Variants in SDK1 observed in about 807,000 individuals in gnomAD.
SDK1 encodes protein sidekick-1.
In SDK1, 157 loss-of-function variants were observed where a neutral mutation model predicts 245.5. That is an observed-to-expected ratio of 0.64 (90% CI 0.56 to 0.73). SDK1 has a LOEUF of 0.73. Among genes scored for constraint, SDK1 ranks in the 30% least tolerant of loss-of-function variants. The probability of loss-of-function intolerance (pLI) is 0.00; values close to 1 mark genes in which losing one functional copy is unlikely to be tolerated. For synonymous variants in SDK1, 1,647 were observed against 1,278.5 expected (o/e 1.29, Z -6.15); for missense variants, 3,583 against 3,002.3 (o/e 1.19, Z -4.52).
At chr7:3,524,797 G>C (rs1299515072) in intron 1 of SDK1, among the ~76,000 whole-genome samples, 1 of 152,168 alleles carries the variant, frequency 6.6e-6, no homozygotes, top group Non-Finnish European at 1.5e-5. Flanking sequence ...ATACTCTGTA[G>C]AGGTCCAGAT....
intron 40 of SDK1, among the ~76,000 whole-genome samples, chr7:4,232,663 T>C (rs1785870639): frequency 6.6e-6 from 1 of 151,642 alleles, no homozygotes; most frequent in Admixed American, 6.6e-5. Flanking sequence ...TATGTTTCCC[T>C]GTGTTGCCCA....
chr7:3,829,429 C>T (rs372063452), intron 5 of SDK1, among the ~76,000 whole-genome samples: 19 of 152,100 alleles, frequency 1.2e-4, no homozygotes, highest in Non-Finnish European at 8.8e-5. Context: ...TTAGATTCCA[C>T]GACAGCCCTG....
intron 22 of SDK1, among the ~76,000 whole-genome samples, chr7:4,088,611 A>G (rs141235566): frequency 1.1e-3 from 170 of 151,688 alleles, no homozygotes; most frequent in African/African-American, 4.0e-3. Context: ...TTTCTCATCT[A>G]TTGAGCTGCT....
intron 1 of SDK1, among the ~76,000 whole-genome samples, chr7:3,562,418 T>G (rs1267348544): frequency 6.6e-6 from 1 of 152,216 alleles, no homozygotes; most frequent in African/African-American, 2.4e-5. Context: ...CATATACTAC[T>G]GAGTTCTGAA....
intron 22 of SDK1, among the ~76,000 whole-genome samples, chr7:4,083,684 C>CTTT (rs138463022): frequency 6.1e-3 from 5 of 826 alleles, no homozygotes; most frequent in Non-Finnish European, 8.2e-3. Flanking sequence ...TCTCTCCCTT[C>CTTT]ACTTCTTCCC....
intron 4 of SDK1, among the ~76,000 whole-genome samples, chr7:3,687,407 G>A (rs1454402847): frequency 2.6e-5 from 4 of 152,124 alleles, no homozygotes; most frequent in Non-Finnish European, 5.9e-5. Context: ...GATTACAGGC[G>A]TGAGCCACCC....
intron 1 of SDK1, among the ~76,000 whole-genome samples, chr7:3,560,745 C>G (rs560743622): frequency 6.6e-6 from 1 of 152,284 alleles, no homozygotes; most frequent in East Asian, 1.9e-4. Flanking sequence ...GCAGAGCCCT[C>G]TCTGTATCCT....
At chr7:3,488,687 T>G (rs1459534166) in intron 1 of SDK1, among the ~76,000 whole-genome samples, 1 of 152,192 alleles carries the variant, frequency 6.6e-6, no homozygotes, top group Non-Finnish European at 1.5e-5. Context: ...ACATTTATTA[T>G]CTACATAAGA....
intron 1 of SDK1, among the ~76,000 whole-genome samples, chr7:3,559,641 G>A (rs971419192): frequency 5.9e-5 from 9 of 151,604 alleles, no homozygotes; most frequent in Admixed American, 3.3e-4. Context: ...TTTAACAGTA[G>A]TGTTGACACA....
Position 3,940,361 on chromosome 7 carries a change from C to T in SDK1, c.848-10562C>T, listed in dbSNP as rs538722552. 3.9e-5 allele frequency among the ~76,000 whole-genome samples: 6 copies of T among 152,362 alleles called. No individual in the cohort carries two copies. In the East Asian group the frequency reaches 1.2e-3, roughly 29 times the overall value. On this transcript the variant is annotated intron_variant, in intron 5 of 44. Transcript: ENST00000404826. ...GTATAGCTCTGCATTCCTTAGCCAC[C>T]GTCCTGCAAGGCAAACGCGAAAACG...
chr7:3,374,096 C>A lies in SDK1; in HGVS notation c.298+72212C>A, dbSNP rs531856733. On this transcript the variant is annotated intron_variant, in intron 1 of 44. Transcript: ENST00000404826. ...TTTTTCTTTTTTTTAACTTGACACT[C>A]TGATATCCACGGTAATTGGAGCAAT... Among the ~76,000 whole-genome samples, 3 of 152,196 alleles carry A rather than the reference C, an allele frequency of 2.0e-5. No homozygotes were observed. The South Asian group carries it at 6.2e-4, about 32-fold the overall frequency.
At chr7:3,399,548 G>C (rs1778824590) in intron 1 of SDK1, among the ~76,000 whole-genome samples, 1 of 152,042 alleles carries the variant, frequency 6.6e-6, no homozygotes, top group Non-Finnish European at 1.5e-5. Context: ...GTAAACTTTG[G>C]AAGTTCAAAT....
chr7:3,972,799 C>T (rs191338996), intron 12 of SDK1, among the ~76,000 whole-genome samples: 1 of 152,288 alleles, frequency 6.6e-6, no homozygotes, highest in East Asian at 1.9e-4. Flanking sequence ...TCCATGTCGC[C>T]ACCCGACTCC....
chr7:3,307,851 G>A (rs6461984), intron 1 of SDK1, among the ~76,000 whole-genome samples: 116,226 of 152,028 alleles, frequency 0.76, 44,898 homozygotes, highest in African/African-American at 0.87. Context: ...TAGATGTTCA[G>A]AATTGTTCTA....
intron 14 of SDK1, among the ~76,000 whole-genome samples, chr7:3,992,379 C>G (rs1784394272): frequency 6.6e-6 from 1 of 152,150 alleles, no homozygotes; most frequent in African/African-American, 2.4e-5. Flanking sequence ...GTCCCAGGTG[C>G]CTGTTTAGTA....
chr7:3,678,043 C>T (rs925226988), intron 4 of SDK1, among the ~76,000 whole-genome samples: 2 of 152,198 alleles, frequency 1.3e-5, no homozygotes, highest in Admixed American at 6.5e-5. Context: ...GGTCAAACCA[C>T]AGCAGGTCAT....
chr7:4,236,507 G>A (rs1786178452), intron 41 of SDK1, among the ~76,000 whole-genome samples: 1 of 152,126 alleles, frequency 6.6e-6, no homozygotes, highest in African/African-American at 2.4e-5. Flanking sequence ...CCAGGCTTTA[G>A]GGGTCTGTGG....
intron 1 of SDK1, among the ~76,000 whole-genome samples, chr7:3,544,447 C>T (rs1779153656): frequency 6.6e-6 from 1 of 152,226 alleles, no homozygotes; most frequent in Non-Finnish European, 1.5e-5. Flanking sequence ...GGGTCCCGGC[C>T]ATGCCCAAAT....
At chr7:3,454,826 T>G (rs1460523690) in intron 1 of SDK1, among the ~76,000 whole-genome samples, 4 of 152,170 alleles carry the variant, frequency 2.6e-5, no homozygotes, top group African/African-American at 9.7e-5. Flanking sequence ...GACATCACTT[T>G]CCATTTCTCT....
Sources: gnomAD v4.1 joint callset for allele counts (sites outside exome capture counted in the v4.1 genomes callset) on GRCh38, gnomAD v4.1.1 for gene constraint, MANE v1.5 for transcripts, NCBI Gene and HGNC (gene_info 2026-07-23, HGNC 2026-07-21) for gene names.